Variants in FLT3 observed in about 807,000 individuals in gnomAD.
FLT3 encodes receptor-type tyrosine-protein kinase FLT3.
Under a neutral mutation model 126.6 loss-of-function variants are expected in FLT3, and 46 were observed. The observed-to-expected ratio is 0.36, with a 90% CI of 0.29 to 0.46. The LOEUF is 0.46. Among genes scored for constraint, FLT3 ranks in the 20% least tolerant of loss-of-function variants. The pLI, the probability that FLT3 is intolerant of heterozygous loss-of-function variation, is 1.00. For missense variants in FLT3, 1,069 were observed against 1,190.3 expected, an observed-to-expected ratio of 0.90 and a Z score of 1.50; for synonymous variants, 404 against 434.4, an observed-to-expected ratio of 0.93 and a Z score of 0.87.
chr13:28,084,939 C>A (rs1878560143), intron 1 of FLT3, among the ~76,000 whole-genome samples: 1 of 147,254 alleles, frequency 6.8e-6, no homozygotes, highest in Admixed American at 6.8e-5. Flanking sequence ...CGCACCACTG[C>A]ACTCCAGCCT....
At chr13:28,083,250 T>C (rs920512106) in intron 1 of FLT3, among the ~76,000 whole-genome samples, 1 of 152,232 alleles carries the variant, frequency 6.6e-6, no homozygotes, top group Admixed American at 6.5e-5. Flanking sequence ...AGACTTGGTT[T>C]TGTTCTTTTT....
At chr13:28,091,159 TG>T (rs1207755850) in intron 1 of FLT3, among the ~76,000 whole-genome samples, 2 of 149,434 alleles carry the variant, frequency 1.3e-5, no homozygotes, top group Non-Finnish European at 3.0e-5. Context: ...TTATCAGCTT[TG>T]AAAACTGAAT....
intron 3 of FLT3, among the ~76,000 whole-genome samples, chr13:28,057,688 AT>A (rs1231852695): frequency 6.6e-6 from 1 of 152,092 alleles, no homozygotes; most frequent in African/African-American, 2.4e-5. Flanking sequence ...GGAGAGCTCC[AT>A]TCCGGTGCCA....
At chr13:28,018,206 C>A (rs1324426814) in intron 20 of FLT3, among the ~76,000 whole-genome samples, 1 of 152,088 alleles carries the variant, frequency 6.6e-6, no homozygotes, top group African/African-American at 2.4e-5. Flanking sequence ...GTGAGGATTG[C>A]ACTCAAAGGC....
At chr13:28,026,551 G>A (rs1872820685) in intron 17 of FLT3, among the ~76,000 whole-genome samples, 1 of 151,240 alleles carries the variant, frequency 6.6e-6, no homozygotes, top group African/African-American at 2.4e-5. Flanking sequence ...ATCCCTGCAG[G>A]ACCAAGCATC....
At position 28,003,946 on chromosome 13, in the gene FLT3, G is replaced by T; in HGVS notation, c.*106C>A. 1 of 1,337,014 alleles carries T rather than the reference G, an allele frequency of 7.5e-7. No individual in the cohort carries two copies. The allele number at this position is 1,337,014 out of a possible 1,614,324, so 82.8% of individuals were successfully genotyped here. A position where few individuals can be genotyped will look rare whatever the true frequency, so the allele number is the denominator to read the frequency against. ...TAGAGAAAAGTCTGGTGAAGCAGCA[G>T]TTGATAATAGATTTTCTTTTAGTGA... On this transcript the variant is annotated 3_prime_UTR_variant, in exon 24 of 24. Transcript: ENST00000241453.
rs191501493 is a variant in FLT3, at chr13:28,004,117, G to T, written c.2917C>A (p.Arg973=). The change falls in exon 24 of 24, where the codon CGA becomes AGA. Residue 973 remains arginine (R), a synonymous_variant. Coordinates refer to ENST00000241453, the MANE Select transcript of FLT3 (RefSeq NM_004119.3). ...AAATCCATCTCTCTGCTGAAAGGTC[G>T]CCTGTTTTGGTAGGTGTGAGGACAT... ...SECPHTYQNR[R]PFSREMDLGL... The T allele has an allele frequency of 6.2e-7, 1 of 1,613,984 alleles. No homozygotes were observed. The highest frequency in any genetic ancestry group is 8.5e-7 in the Non-Finnish European group (1 of 1,179,940).
At chr13:28,042,822 C>A (rs1299201068) in intron 9 of FLT3, among the ~76,000 whole-genome samples, 5 of 151,918 alleles carry the variant, frequency 3.3e-5, no homozygotes, top group African/African-American at 1.2e-4. Context: ...CAAACTTTTC[C>A]CTCATTTTCC....
chr13:28,028,436 C>A, intron 15 of FLT3, 148 bp from the exon 16 acceptor site: 1 of 598,048 alleles, frequency 1.7e-6, no homozygotes, highest in Non-Finnish European at 3.0e-6. Flanking sequence ...GTGGGTCATG[C>A]CTGTAATCCC....
chr13:28,005,499 A>G (rs1302989894), intron 23 of FLT3, among the ~76,000 whole-genome samples: 1 of 152,180 alleles, frequency 6.6e-6, no homozygotes, highest in Non-Finnish European at 1.5e-5. Context: ...CCTGTGTCAC[A>G]TATTTACATT....
chr13:28,074,378 T>C (rs1877783483), intron 1 of FLT3, among the ~76,000 whole-genome samples: 1 of 152,232 alleles, frequency 6.6e-6, no homozygotes, highest in African/African-American at 2.4e-5. Flanking sequence ...GCTATTTATA[T>C]AAAAGTCTTA....
intron 1 of FLT3, among the ~76,000 whole-genome samples, chr13:28,072,638 C>T (rs2137793342): frequency 6.6e-6 from 1 of 152,354 alleles, no homozygotes; most frequent in East Asian, 1.9e-4. Flanking sequence ...TCAAGTGATT[C>T]AGCTGCCTTG....
At chr13:28,043,703 A>T (rs1409817007) in intron 9 of FLT3, among the ~76,000 whole-genome samples, 1 of 152,260 alleles carries the variant, frequency 6.6e-6, no homozygotes, top group Non-Finnish European at 1.5e-5. Flanking sequence ...AAAAGGAAAG[A>T]CGGGTGCAGT....
At chr13:28,012,675 C>T (rs1425042335) in intron 23 of FLT3, among the ~76,000 whole-genome samples, 3 of 152,124 alleles carry the variant, frequency 2.0e-5, no homozygotes, top group African/African-American at 7.2e-5. Flanking sequence ...TGGCTCATGC[C>T]TGTAATCCTA....
At chr13:28,080,848 C>T (rs957537033) in intron 1 of FLT3, among the ~76,000 whole-genome samples, 1 of 152,180 alleles carries the variant, frequency 6.6e-6, no homozygotes, top group African/African-American at 2.4e-5. Flanking sequence ...AAGTTTTGCA[C>T]ATGAATATGC....
At position 28,035,544 on chromosome 13, in the gene FLT3, T is replaced by C. The variant is rs755233667; in HGVS notation, c.1548A>G (p.Ala516=). Residue 516 remains alanine (A), a synonymous_variant, in exon 12 of 24, where the codon GCA becomes GCG. Transcript: ENST00000241453. ...AIKGFLVKCC[A]YNSLGTSCET... ...CACAAGATGTGCCAAGGGAATTGTA[T>C]GCACAGCACTTGACCAGGAACCCTT... The C allele has an allele frequency of 2.5e-6, 4 of 1,614,234 alleles. No individual in the cohort carries two copies. The highest frequency in any genetic ancestry group is 3.4e-6 in the Non-Finnish European group (4 of 1,180,030).
intron 1 of FLT3, among the ~76,000 whole-genome samples, chr13:28,079,774 A>G (rs1233349748): frequency 6.6e-6 from 1 of 152,142 alleles, no homozygotes; most frequent in East Asian, 1.9e-4. Flanking sequence ...CCACGATTCA[A>G]TTACCTCACC....
chr13:28,004,130 GGT>G lies in FLT3; in HGVS notation c.2902_2903del (p.Thr968LeufsTer45). The G allele has an allele frequency of 6.2e-7, 1 of 1,614,034 alleles. No homozygotes were observed. Among genetic ancestry groups the G allele is most frequent in the Non-Finnish European group, 8.5e-7 (1 of 1,179,972 alleles). On this transcript the variant is annotated frameshift_variant, in exon 24 of 24. Coordinates refer to ENST00000241453, the MANE Select transcript of FLT3 (RefSeq NM_004119.3). LOFTEE classifies it low-confidence loss of function (END_TRUNC). Reference sequence around the variant, plus strand: ...TGCTGAAAGGTCGCCTGTTTTGGTAGGTGTGAGGACATTCCGAAACACGGCCA... The same window carrying G: ...TGCTGAAAGGTCGCCTGTTTTGGTAGGTGAGGACATTCCGAAACACGGCCA... ...VDGRVSECPHTYQNRRPFSRE... is the reference protein window; with the variant it reads ...VDGRVSECPHXYQNRRPFSRE...
At position 28,036,030 on chromosome 13, in the gene FLT3, C is replaced by A. The variant is rs1257159463; in HGVS notation, c.1323G>T (p.Val441=). The A allele has an allele frequency of 2.5e-6, 4 of 1,613,938 alleles. No individual in the cohort carries two copies. The highest frequency in any genetic ancestry group is 3.4e-6 in the Non-Finnish European group (4 of 1,179,928). The change falls in exon 11 of 24, where the codon GTG becomes GTT. Residue 441 remains valine, a synonymous_variant. Transcript: ENST00000241453. ...FTLNIRRKPQ[V]LAEASASQAS... ...CCTGACTTGCCGATGCTTCTGCGAG[C>A]ACTTGAGGTTTCCCTATAGAAAAGA...
Sources: allele counts gnomAD v4.1 joint callset (sites outside exome capture counted in the v4.1 genomes callset), GRCh38; gene constraint gnomAD v4.1.1; transcripts MANE v1.5; gene names NCBI Gene and HGNC (gene_info 2026-07-23, HGNC 2026-07-21).